Variants in HSPB7 observed in about 807,000 individuals in gnomAD.
HSPB7 encodes the protein heat shock protein family B (small) member 7.
A neutral mutation model predicts 11.0 loss-of-function variants in HSPB7; 9 were observed. That is an observed-to-expected ratio of 0.82 (90% confidence interval 0.49 to 1.43). The LOEUF (loss-of-function observed/expected upper bound fraction) is 1.43. Ranked by LOEUF, HSPB7 falls within the 40% of genes most tolerant of loss-of-function variation. The pLI is 0.00. For synonymous variants in HSPB7, 102 were observed against 101.6 expected (o/e 1.00, Z -0.02); for missense variants, 246 against 243.9 (o/e 1.01, Z -0.06).
upstream of HSPB7, chr1:16,019,145 C>T (rs1300579095): frequency 6.5e-7 from 1 of 1,549,284 alleles, no homozygotes; most frequent in Non-Finnish European, 8.7e-7. Context: ...TTGCCCTGGG[C>T]CAGGGTGGAG....
Position 16,015,486 on chromosome 1 carries a change from G to A in HSPB7, c.*94C>T. On this transcript the variant is annotated 3_prime_UTR_variant, in exon 3 of 3. Transcript: ENST00000311890. This position sits in a 1 kb window ranked among gnomAD's most constrained non-coding sequence, Gnocchi z 4.9. ...CTGGGGTGCGTGGGGGCTAGAACCT[G>A]GGCTGAGATGTCCTGGAGCTGTTGT... 1.6e-6 allele frequency: 2 copies of A among 1,265,808 alleles called. No homozygotes were observed. The highest frequency in any genetic ancestry group is 1.5e-5 in the African/African-American group (1 of 68,328). 78.4% of individuals were successfully genotyped at this position (1,265,808 alleles called of 1,614,324 possible). A position where few individuals can be genotyped will look rare whatever the true frequency, so the allele number is the denominator to read the frequency against.
chr1:16,018,694 T>G, upstream of HSPB7: 1 of 1,037,892 alleles, frequency 9.6e-7, no homozygotes, highest in Non-Finnish European at 1.2e-6. Flanking sequence ...TCCTTAAAGG[T>G]CTAGAAGGTT....
At chr1:16,018,898 T>C (rs945421), upstream of HSPB7, 734,746 of 1,288,006 alleles carry the variant, frequency 0.57, 212,281 homozygotes, top group East Asian at 0.74. Flanking sequence ...CCCACACAGC[T>C]GGGAGGGTGG....
Position 16,017,799 on chromosome 1 carries a change from G to T in HSPB7, c.165C>A (p.Phe55Leu), listed in dbSNP as rs1264241758. Reference protein sequence around the residue: ...LSMFSDDFGSFMRPHSEPLAF... With the variant: ...LSMFSDDFGSLMRPHSEPLAF... Reference sequence around the variant, plus strand: ...CCAGGGGCTCCGAGTGGGGCCGCATGAAGCTGCCAAAGTCATCGGAAAACA... The same window carrying T: ...CCAGGGGCTCCGAGTGGGGCCGCATTAAGCTGCCAAAGTCATCGGAAAACA... Residue 55 changes from phenylalanine (F) to leucine (L), a missense_variant, in exon 1 of 3, where the codon TTC becomes TTA. By Grantham distance (22) the Phe-to-Leu change is conservative (BLOSUM62 0). Coordinates refer to ENST00000311890, the MANE Select transcript of HSPB7 (RefSeq NM_014424.5). 6.2e-7 allele frequency: 1 copy of T among 1,612,382 alleles called. No homozygotes were observed. The highest frequency in any genetic ancestry group is 1.7e-5 in the Admixed American group (1 of 59,842).
chr1:16,015,660 C>G lies in HSPB7; in HGVS notation c.433G>C (p.Gly145Arg), dbSNP rs757088984. ...CGCCGTGCCCGGATAGTGAGGCTGC[C>G]GTCCTCCCGCAGAGCCGAGGTCACC... ...TSVTSALRED[G>R]SLTIRARRHP... The change falls in exon 3 of 3, where the codon GGC becomes CGC. Residue 145 changes from glycine (G) to arginine (R), a missense_variant. Physicochemically the swap from Gly to Arg is moderately radical, Grantham distance 125. Transcript: ENST00000311890. This position sits in a 1 kb window ranked among gnomAD's most constrained non-coding sequence, Gnocchi z 4.9. 4.3e-6 allele frequency: 7 copies of G among 1,613,730 alleles called. No individual in the cohort carries two copies. The highest frequency in any genetic ancestry group is 5.9e-6 in the Non-Finnish European group (7 of 1,179,888).
upstream of HSPB7, chr1:16,018,967 G>A (rs1427825878): frequency 1.0e-5 from 10 of 1,003,790 alleles, no homozygotes; most frequent in East Asian, 5.3e-5. Flanking sequence ...GGCGGGGCTC[G>A]CAGTTGCGTA....
Position 16,017,090 on chromosome 1 carries a change from T to G in HSPB7, c.317A>C (p.Glu106Ala). 1.2e-6 allele frequency: 2 copies of G among 1,611,516 alleles called. No homozygotes were observed. Among genetic ancestry groups the G allele is most frequent in the Non-Finnish European group, 1.7e-6 (2 of 1,177,934 alleles). ...IIVTTSNNHIEVRAEKLAADG... is the reference protein window; with the variant it reads ...IIVTTSNNHIAVRAEKLAADG... ...GGGGCTCACCTTCTCAGCCCGCACC[T>G]CGATGTGGTTGTTGGAGGTGGTGAC... Residue 106 changes from glutamate to alanine, a missense_variant, in exon 2 of 3, where the codon GAG becomes GCG. By Grantham distance (107) the Glu-to-Ala change is moderately radical (BLOSUM62 -1). Coordinates refer to ENST00000311890, the MANE Select transcript of HSPB7 (RefSeq NM_014424.5).
Position 16,017,124 on chromosome 1 carries a change from C to T in HSPB7, c.283G>A (p.Asp95Asn). The T allele has an allele frequency of 6.2e-7, 1 of 1,613,556 alleles. No homozygotes were observed. Among genetic ancestry groups the T allele is most frequent in the Non-Finnish European group, 8.5e-7 (1 of 1,179,568 alleles). Reference sequence around the variant, plus strand: ...TTGTTGGAGGTGGTGACAATGATGTCTTCAGGTGAGAAGTCTCTCACGTCC... The same window carrying T: ...TTGTTGGAGGTGGTGACAATGATGTTTTCAGGTGAGAAGTCTCTCACGTCC... ...AVDVRDFSPE[D>N]IIVTTSNNHI... Residue 95 changes from aspartate to asparagine, a missense_variant, in exon 2 of 3, where the codon GAC becomes AAC. Asp to Asn is a conservative substitution (Grantham distance 23). Coordinates refer to ENST00000311890, the MANE Select transcript of HSPB7 (RefSeq NM_014424.5).
At chr1:16,016,975 T>G in intron 2 of HSPB7, 99 bp downstream of exon 2, 3 of 1,264,226 alleles carry the variant, frequency 2.4e-6, no homozygotes, top group Admixed American at 2.0e-5. Context: ...GAAGGGACAC[T>G]GGCCAGGGTC....
upstream of HSPB7, chr1:16,018,235 T>A (rs945418): frequency 7.5e-6 from 11 of 1,461,584 alleles, no homozygotes; most frequent in Non-Finnish European, 9.2e-6. Context: ...CATTCCAGGC[T>A]GATCACAGCA....
rs142381767 is a variant in HSPB7 at position 16,017,814 on chromosome 1, A to G, written c.150T>C (p.Asp50=). 1.8e-4 allele frequency: 296 copies of G among 1,613,364 alleles called. No homozygotes were observed. The highest frequency in any genetic ancestry group is 2.3e-4 in the Non-Finnish European group (273 of 1,179,744). ...GGGGCCGCATGAAGCTGCCAAAGTC[A>G]TCGGAAAACATGCTCAGGGCCTTCT... The part of the protein sequence containing the change: ...PMEKALSMFS[D]DFGSFMRPHS... Residue 50 remains aspartate (D), a synonymous_variant, in exon 1 of 3, where the codon GAT becomes GAC. Coordinates refer to ENST00000311890, the MANE Select transcript of HSPB7 (RefSeq NM_014424.5).
At chr1:16,016,687 T>C (rs1275986836) in intron 2 of HSPB7, among the ~76,000 whole-genome samples, 2 of 151,246 alleles carry the variant, frequency 1.3e-5, no homozygotes, top group Non-Finnish European at 3.0e-5. Flanking sequence ...GTTCCCCACC[T>C]ACCCGCATCC....
chr1:16,018,601 A>G (rs910438937), upstream of HSPB7: 1 of 1,043,134 alleles, frequency 9.6e-7, no homozygotes, highest in Non-Finnish European at 1.2e-6. Context: ...GCCAGCCCCC[A>G]TGGGGACCTG....
At position 16,015,422 on chromosome 1, in the gene HSPB7, G is replaced by A; in HGVS notation, c.*158C>T. 1.5e-6 allele frequency: 1 copy of A among 657,206 alleles called. No homozygotes were observed. The highest frequency in any genetic ancestry group is 2.6e-6 in the Non-Finnish European group (1 of 378,482). The allele number at this position is 657,206 out of a possible 1,614,324, so 40.7% of individuals were successfully genotyped here. A position where few individuals can be genotyped will look rare whatever the true frequency, so the allele number is the denominator to read the frequency against. ...GAGTCCCTGGCCTGCCCTGGATAGA[G>A]TGGAGGGCCCTAGTTTGGGAGGATG... On this transcript the variant is annotated 3_prime_UTR_variant, in exon 3 of 3. Coordinates refer to ENST00000311890, the MANE Select transcript of HSPB7 (RefSeq NM_014424.5). The surrounding 1 kb of genome is among the most constrained non-coding windows in gnomAD (Gnocchi z 4.9).
upstream of HSPB7, chr1:16,018,066 T>A: frequency 6.3e-7 from 1 of 1,593,058 alleles, no homozygotes; most frequent in African/African-American, 1.3e-5. Context: ...CTGCGGCCGC[T>A]TTATAAGGCC....
Position 16,015,942 on chromosome 1 carries a change from G to C in HSPB7, c.334-183C>G, listed in dbSNP as rs1334343968. Among the ~76,000 whole-genome samples the C allele has an allele frequency of 2.0e-5, 3 of 152,258 alleles. No homozygotes were observed. Among genetic ancestry groups the C allele is most frequent in the Admixed American group, 2.0e-4 (3 of 15,292 alleles). On this transcript the variant is annotated intron_variant, in intron 2 of 2. Transcript: ENST00000311890. The surrounding 1 kb of genome is among the most constrained non-coding windows in gnomAD (Gnocchi z 4.9). ...ACAGGCCAAAGGCTCTGCAGGGACA[G>C]CGCAGGGGTGCTTCGCAGAGCTCCA...
In HSPB7 at chr1:16,017,085, G is replaced by A. The variant is rs765038472; in HGVS notation, c.322C>T (p.Arg108Trp). The A allele has an allele frequency of 1.2e-5, 19 of 1,610,162 alleles. No individual in the cohort carries two copies. Among genetic ancestry groups the A allele is most frequent in the Admixed American group, 1.0e-4 (6 of 59,858 alleles). Residue 108 changes from arginine to tryptophan, a missense_variant, in exon 2 of 3, where the codon CGG (arginine) becomes TGG (tryptophan). By Grantham distance (101) the Arg-to-Trp change is moderately radical. Transcript: ENST00000311890. ...GGTGGGGGGCTCACCTTCTCAGCCC[G>A]CACCTCGATGTGGTTGTTGGAGGTG... ...VTTSNNHIEVRAEKLAADGTV... is the reference protein window; with the variant it reads ...VTTSNNHIEVWAEKLAADGTV...
intron 1 of HSPB7, chr1:16,017,439 C>T: frequency 1.7e-6 from 1 of 600,320 alleles, no homozygotes; most frequent in East Asian, 2.8e-5. Flanking sequence ...ACAACCCCAC[C>T]CCAGGCCTGG....
chr1:16,017,678 C>G, intron 1 of HSPB7, 87 bp downstream of exon 1: 1 of 1,151,676 alleles, frequency 8.7e-7, no homozygotes, highest in South Asian at 1.4e-5. Context: ...CCAGGCCGAC[C>G]GGCAGCCACA....
Sources: gnomAD v4.1 joint callset for allele counts (sites outside exome capture counted in the v4.1 genomes callset) on GRCh38, gnomAD v4.1.1 for gene constraint, Gnocchi (gnomAD v3.1) non-coding constraint, MANE v1.5 for transcripts, NCBI Gene and HGNC (gene_info 2026-07-23, HGNC 2026-07-21) for gene names.